Variants in CLUL1 observed in about 807,000 individuals in gnomAD.
The protein encoded by CLUL1 is clusterin-like protein 1.
A neutral mutation model predicts 49.4 loss-of-function variants in CLUL1; 43 were observed. The observed-to-expected ratio is 0.87, with a 90% CI of 0.68 to 1.12. The LOEUF (loss-of-function observed/expected upper bound fraction) is 1.12, where lower values mean the gene tolerates loss of function less well. Ranked by LOEUF, CLUL1 falls within the 50% of genes most tolerant of loss-of-function variation. CLUL1 has a pLI of 0.00. For missense variants in CLUL1, 486 were observed against 544.4 expected (o/e 0.89, Z 1.07); for synonymous variants, 192 against 184.9 (o/e 1.04, Z -0.31).
At chr18:604,122 C>T (rs1375036365) in intron 1 of CLUL1, among the ~76,000 whole-genome samples, 2 of 152,220 alleles carry the variant, frequency 1.3e-5, no homozygotes, top group Non-Finnish European at 1.5e-5. Flanking sequence ...CTCAAGTGAT[C>T]CAACCGCCTT....
In CLUL1 at chr18:606,353, C is replaced by T. The variant is rs777664505; in HGVS notation, c.-135-625C>T. Among the ~76,000 whole-genome samples the T allele has an allele frequency of 6.6e-6, 1 of 152,196 alleles. No individual in the cohort carries two copies. Among genetic ancestry groups the T allele is most frequent in the African/African-American group, 2.4e-5 (1 of 41,446 alleles). ...GGGAAAAACAGCACAGGGCAGGAAA[C>T]GATTTTCCATGTCACCAACCTTTCT... On this transcript the variant is annotated intron_variant, in intron 1 of 9. Coordinates refer to ENST00000692774, the MANE Select transcript of CLUL1 (RefSeq NM_001393344.1). The surrounding 1 kb of genome is among the most constrained non-coding windows in gnomAD (Gnocchi z 4.1).
chr18:644,883 T>A (rs201335885), intron 8 of CLUL1, 27 bp from the exon 9 acceptor site: 17 of 1,552,356 alleles, frequency 1.1e-5, no homozygotes, highest in Admixed American at 3.6e-5. Context: ...TTTAGTAAAC[T>A]TCTACTGTAT....
chr18:609,093 C>A (rs546987216), intron 2 of CLUL1, among the ~76,000 whole-genome samples: 39 of 152,316 alleles, frequency 2.6e-4, no homozygotes, highest in African/African-American at 9.4e-4. Flanking sequence ...ATAGAACCTA[C>A]ATCTAAACAC....
At chr18:633,818 C>T (rs2074059958) in intron 7 of CLUL1, among the ~76,000 whole-genome samples, 1 of 22,670 alleles carries the variant, frequency 4.4e-5, no homozygotes, top group African/African-American at 1.1e-4. Flanking sequence ...CAGGGCGGAG[C>T]GTGTAATCGG....
At chr18:640,234 G>C (rs1247358302) in intron 7 of CLUL1, among the ~76,000 whole-genome samples, 1 of 151,536 alleles carries the variant, frequency 6.6e-6, no homozygotes, top group Non-Finnish European at 1.5e-5. Context: ...AGCATAGTGA[G>C]ACCCGCCTCT....
At chr18:601,128 C>T (rs114849238) in intron 1 of CLUL1, among the ~76,000 whole-genome samples, 2,445 of 152,274 alleles carry the variant, frequency 0.016, 68 homozygotes, top group African/African-American at 0.056. Context: ...TAATGTATGC[C>T]ACTTTCTGGA....
intron 9 of CLUL1, among the ~76,000 whole-genome samples, chr18:647,661 T>G (rs1598453186): frequency 6.6e-6 from 1 of 151,632 alleles, no homozygotes; most frequent in Non-Finnish European, 1.5e-5. Flanking sequence ...GAGAGGAGAG[T>G]CTTGGTTGAC....
chr18:625,702 A>C (rs2073665974), intron 5 of CLUL1, among the ~76,000 whole-genome samples: 1 of 152,134 alleles, frequency 6.6e-6, no homozygotes, highest in Admixed American at 6.5e-5. Context: ...TAACGGCTCC[A>C]ATTAAGCTAG....
At chr18:634,367 T>C (rs910443889) in intron 7 of CLUL1, among the ~76,000 whole-genome samples, 6 of 152,014 alleles carry the variant, frequency 3.9e-5, no homozygotes, top group African/African-American at 1.4e-4. Context: ...CTCCTGACCT[T>C]GTGATCCGCC....
chr18:635,356 C>T (rs1195703926), intron 7 of CLUL1, among the ~76,000 whole-genome samples: 1 of 152,132 alleles, frequency 6.6e-6, no homozygotes, highest in Non-Finnish European at 1.5e-5. Context: ...TGGAATGCCT[C>T]CGCTGATCTG....
intron 4 of CLUL1, among the ~76,000 whole-genome samples, chr18:623,054 CAG>C (rs1329847331): frequency 7.7e-6 from 1 of 129,064 alleles, no homozygotes; most frequent in Admixed American, 8.2e-5. Context: ...TTTTTTGAGA[CAG>C]AGTCTTACTC....
intron 6 of CLUL1, among the ~76,000 whole-genome samples, chr18:631,641 T>C (rs935080466): frequency 1.3e-5 from 2 of 152,104 alleles, no homozygotes; most frequent in African/African-American, 4.8e-5. Context: ...TTAATCTAGA[T>C]GCTAGAGATA....
chr18:637,652 T>C (rs968206007), intron 7 of CLUL1, among the ~76,000 whole-genome samples: 5 of 152,106 alleles, frequency 3.3e-5, no homozygotes, highest in African/African-American at 1.2e-4. Flanking sequence ...CTGGACCTTT[T>C]CGCGGGGTTA....
At chr18:597,416 T>G (rs929611969) in intron 1 of CLUL1, among the ~76,000 whole-genome samples, 3 of 152,132 alleles carry the variant, frequency 2.0e-5, no homozygotes, top group Non-Finnish European at 4.4e-5. Context: ...ACACCATCCC[T>G]GCAAAACTAC....
intron 1 of CLUL1, among the ~76,000 whole-genome samples, chr18:600,029 A>G (rs1464631803): frequency 6.6e-6 from 1 of 152,136 alleles, no homozygotes; most frequent in Non-Finnish European, 1.5e-5. Context: ...ACATAGGCTG[A>G]TGATAGTTTT....
intron 4 of CLUL1, among the ~76,000 whole-genome samples, chr18:620,859 A>G (rs1275224554): frequency 1.3e-5 from 2 of 152,230 alleles, no homozygotes; most frequent in Non-Finnish European, 2.9e-5. Context: ...ACTCAAAACA[A>G]TGACTTTTTT....
At chr18:644,326 C>T (rs2074414744) in intron 8 of CLUL1, among the ~76,000 whole-genome samples, 2 of 152,202 alleles carry the variant, frequency 1.3e-5, no homozygotes, top group South Asian at 4.1e-4. Context: ...GAGTAACATA[C>T]ATGTTATTCA....
intron 2 of CLUL1, among the ~76,000 whole-genome samples, chr18:610,616 G>C (rs868604263): frequency 6.6e-6 from 1 of 152,142 alleles, no homozygotes; most frequent in African/African-American, 2.4e-5. Context: ...CAAAGCCCCA[G>C]GGAAGAGAAA....
chr18:605,584 A>G (rs1293262946), intron 1 of CLUL1, among the ~76,000 whole-genome samples: 1 of 152,192 alleles, frequency 6.6e-6, no homozygotes. Flanking sequence ...AAAAAAGAAA[A>G]AAGAAAATGA....
Sources: allele counts gnomAD v4.1 joint callset (sites outside exome capture counted in the v4.1 genomes callset), GRCh38; gene constraint gnomAD v4.1.1; non-coding constraint Gnocchi (gnomAD v3.1); transcripts MANE v1.5; gene names NCBI Gene and HGNC (gene_info 2026-07-23, HGNC 2026-07-21).